The following PDGFD variants were observed in gnomAD, a reference collection of about 807,000 sequenced individuals.
PDGFD encodes platelet derived growth factor D, also known as platelet-derived growth factor D.
Under a neutral mutation model 44.7 loss-of-function variants are expected in PDGFD, and 30 were observed. The observed-to-expected ratio is 0.67, with a 90% CI of 0.50 to 0.91. The LOEUF (loss-of-function observed/expected upper bound fraction) is 0.91. Among genes scored for constraint, PDGFD ranks in the 40% least tolerant of loss-of-function variants. PDGFD has a pLI of 0.00. For synonymous variants in PDGFD, 173 were observed against 168.4 expected (o/e 1.03, Z -0.21); for missense variants, 445 against 457.8 (o/e 0.97, Z 0.25).
rs997920802 is a variant in PDGFD, at chr11:103,908,960, G to A, written c.*734C>T. ...CCTTCTAAGTAAGTTTTTGAGATAG[G>A]TGTTAAATGAATAAGCATGCCTCAG... On this transcript the variant is annotated 3_prime_UTR_variant, in exon 7 of 7. Coordinates refer to ENST00000393158, the MANE Select transcript of PDGFD (RefSeq NM_025208.5). 8 of 152,250 alleles carry A rather than the reference G, an allele frequency of 5.3e-5. No individual in the cohort carries two copies. Among genetic ancestry groups the A allele is most frequent in the Non-Finnish European group, 1.2e-4 (8 of 68,012 alleles). The allele number at this position is 152,250 out of a possible 1,614,324, so 9.4% of individuals were successfully genotyped here.
chr11:104,144,582 G>A (rs1862137576), intron 1 of PDGFD, among the ~76,000 whole-genome samples: 1 of 148,806 alleles, frequency 6.7e-6, no homozygotes, highest in Non-Finnish European at 1.5e-5. Flanking sequence ...CAACTTGGCA[G>A]AGAAAAAGCA....
chr11:104,037,293 G>A (rs1252155649), intron 1 of PDGFD: 1 of 1,613,440 alleles, frequency 6.2e-7, no homozygotes, highest in South Asian at 1.1e-5. Context: ...CCCACGATCT[G>A]TCCCTGCTCA....
intron 1 of PDGFD, among the ~76,000 whole-genome samples, chr11:104,019,979 T>C (rs1228463265): frequency 6.6e-6 from 1 of 152,054 alleles, no homozygotes; most frequent in African/African-American, 2.4e-5. Flanking sequence ...TAAAAAAATA[T>C]GGAAATGTTT....
intron 1 of PDGFD, among the ~76,000 whole-genome samples, chr11:104,010,096 G>C (rs1859760542): frequency 6.6e-6 from 1 of 151,888 alleles, no homozygotes; most frequent in Non-Finnish European, 1.5e-5. Context: ...TTCTCCAGCA[G>C]AGATTTTTCT....
chr11:104,132,061 G>T (rs765537422), intron 1 of PDGFD, among the ~76,000 whole-genome samples: 18 of 150,738 alleles, frequency 1.2e-4, no homozygotes, highest in Non-Finnish European at 2.4e-4. Flanking sequence ...CTGACATGGT[G>T]AGCATGCCAA....
At chr11:104,154,029 T>C (rs1591189319) in intron 1 of PDGFD, among the ~76,000 whole-genome samples, 1 of 152,130 alleles carries the variant, frequency 6.6e-6, no homozygotes, top group East Asian at 1.9e-4. Flanking sequence ...GAAACAAACC[T>C]ATGTATGTGT....
At chr11:103,988,781 C>G (rs564012565) in intron 3 of PDGFD, among the ~76,000 whole-genome samples, 1 of 152,278 alleles carries the variant, frequency 6.6e-6, no homozygotes, top group African/African-American at 2.4e-5. Context: ...GTTACCTAAC[C>G]TGTGTTTATT....
chr11:104,062,498 A>G (rs1860731050), intron 1 of PDGFD, among the ~76,000 whole-genome samples: 1 of 152,234 alleles, frequency 6.6e-6, no homozygotes, highest in Non-Finnish European at 1.5e-5. Flanking sequence ...TTTGAATTAC[A>G]AGTTTTTTTG....
chr11:104,157,707 A>T (rs544626940), intron 1 of PDGFD, among the ~76,000 whole-genome samples: 6 of 152,322 alleles, frequency 3.9e-5, no homozygotes, highest in Non-Finnish European at 7.3e-5. Flanking sequence ...TTTAAAAATG[A>T]AGAATCCTAA....
intron 1 of PDGFD, among the ~76,000 whole-genome samples, chr11:104,070,445 T>C (rs1860857255): frequency 6.6e-6 from 1 of 152,186 alleles, no homozygotes; most frequent in Non-Finnish European, 1.5e-5. Context: ...TCTAAAAAAA[T>C]AGAGATATAT....
At chr11:104,141,116 G>A (rs1160605739) in intron 1 of PDGFD, among the ~76,000 whole-genome samples, 1 of 152,140 alleles carries the variant, frequency 6.6e-6, no homozygotes, top group Non-Finnish European at 1.5e-5. Flanking sequence ...TACCTAACAT[G>A]CCTTCTCTTT....
intron 1 of PDGFD, among the ~76,000 whole-genome samples, chr11:104,105,727 G>A (rs1030970808): frequency 2.0e-5 from 3 of 151,498 alleles, no homozygotes; most frequent in African/African-American, 7.3e-5. Flanking sequence ...AATGTCTCAT[G>A]GAGATAAAGG....
chr11:104,055,157 G>A (rs545831560), intron 1 of PDGFD, among the ~76,000 whole-genome samples: 20 of 152,316 alleles, frequency 1.3e-4, no homozygotes, highest in African/African-American at 4.6e-4. Context: ...CAAAACGCCA[G>A]TTCATGTCAA....
intron 1 of PDGFD, among the ~76,000 whole-genome samples, chr11:104,112,134 G>A (rs10895575): frequency 0.1 from 15,493 of 152,086 alleles, 919 homozygotes; most frequent in East Asian, 0.32. Flanking sequence ...TAAAGAAAAT[G>A]TATGCAGAAA....
intron 1 of PDGFD, among the ~76,000 whole-genome samples, chr11:104,003,089 T>C (rs1859644907): frequency 6.6e-6 from 1 of 152,362 alleles, no homozygotes; most frequent in East Asian, 1.9e-4. Flanking sequence ...ATGGTTCTTG[T>C]CTTCGTACAC....
At chr11:103,914,897 GC>G (rs2134301280) in intron 6 of PDGFD, among the ~76,000 whole-genome samples, 1 of 152,198 alleles carries the variant, frequency 6.6e-6, no homozygotes, top group Non-Finnish European at 1.5e-5. Flanking sequence ...AAATTCAACA[GC>G]CCTTCATGCT....
At chr11:104,047,132 G>T (rs552289047) in intron 1 of PDGFD, among the ~76,000 whole-genome samples, 8 of 147,390 alleles carry the variant, frequency 5.4e-5, no homozygotes, top group African/African-American at 1.7e-4. Flanking sequence ...TCTTCGTCCA[G>T]TCTATCATTG....
chr11:104,077,672 C>T (rs916755527), intron 1 of PDGFD, among the ~76,000 whole-genome samples: 2 of 152,006 alleles, frequency 1.3e-5, no homozygotes, highest in Admixed American at 6.6e-5. Flanking sequence ...ATTTTTACTT[C>T]TCTGTAACTG....
At chr11:103,954,241 T>C (rs1279355099) in intron 3 of PDGFD, among the ~76,000 whole-genome samples, 1 of 152,216 alleles carries the variant, frequency 6.6e-6, no homozygotes, top group Non-Finnish European at 1.5e-5. Context: ...AATCCACTCA[T>C]TCATTCAGCA....
Sources: allele counts gnomAD v4.1 joint callset (sites outside exome capture counted in the v4.1 genomes callset), GRCh38; gene constraint gnomAD v4.1.1; transcripts MANE v1.5; gene names NCBI Gene and HGNC (gene_info 2026-07-23, HGNC 2026-07-21).